KALRN: variants seen among roughly 807,000 people sequenced by gnomAD.
KALRN encodes kalirin RhoGEF kinase, also known as kalirin.
Under a neutral mutation model 353.7 loss-of-function variants are expected in KALRN, and 70 were observed. The ratio of observed to expected loss-of-function variants is 0.20; its 90% CI spans 0.16 to 0.24. The LOEUF is 0.24. Among genes scored for constraint, KALRN ranks in the 10% least tolerant of loss-of-function variants. KALRN has a pLI of 1.00. For missense variants in KALRN, 2,791 were observed against 3,756.7 expected (o/e 0.74, Z 6.72); for synonymous variants, 1,391 against 1,434.8 (o/e 0.97, Z 0.69).
intron 3 of KALRN, among the ~76,000 whole-genome samples, chr3:124,237,070 C>T (rs2332765): frequency 0.092 from 14,057 of 152,200 alleles, 1,799 homozygotes; most frequent in East Asian, 0.64. Flanking sequence ...ACATGTCACA[C>T]ATAATGGCTG....
In KALRN at chr3:124,074,815, G is replaced by A. The variant is rs1310260273; in HGVS notation, c.73+41002G>A. Among the ~76,000 whole-genome samples, 65 of 152,138 alleles carry A rather than the reference G, an allele frequency of 4.3e-4. 1 individual carries two copies. The highest frequency in any genetic ancestry group is 4.2e-3 in the Admixed American group (64 of 15,270). The stretch of plus-strand genomic sequence containing the variant: ...TAAACTTTCTTTAATTTGGAGACAT[G>A]TCAGTATATTTTTTCATTTTGTTTC... On this transcript the variant is annotated intron_variant, in intron 1 of 59. Transcript: ENST00000682506.
intron 33 of KALRN, among the ~76,000 whole-genome samples, chr3:124,514,474 C>G (rs1431435783): frequency 1.3e-5 from 2 of 152,200 alleles, no homozygotes; most frequent in African/African-American, 4.8e-5. Context: ...AGAGGTTAAG[C>G]AACTAACAGT....
chr3:124,242,275 T>C (rs1249877846), intron 3 of KALRN, among the ~76,000 whole-genome samples: 2 of 152,208 alleles, frequency 1.3e-5, no homozygotes, highest in Admixed American at 6.5e-5. Flanking sequence ...TATAAGTATT[T>C]TACATGCATT....
In KALRN at chr3:124,490,885, G is replaced by T; in HGVS notation, c.4587+1G>T. On this transcript the variant is annotated splice_donor_variant, in intron 30 of 59. Coordinates refer to ENST00000682506, the MANE Select transcript of KALRN (RefSeq NM_001388419.1). LOFTEE classifies it high-confidence loss of function. Reference sequence around the variant, plus strand: ...ATATGTTTACAAGAACAAGCTACTGGTAGGTGGGGCAGGTGGGGTAAGACA... The same window carrying T: ...ATATGTTTACAAGAACAAGCTACTGTTAGGTGGGGCAGGTGGGGTAAGACA... The T allele has an allele frequency of 6.2e-7, 1 of 1,607,298 alleles. No homozygotes were observed. Among genetic ancestry groups the T allele is most frequent in the Non-Finnish European group, 8.5e-7 (1 of 1,176,824 alleles).
intron 33 of KALRN, among the ~76,000 whole-genome samples, chr3:124,506,446 A>G (rs1485664464): frequency 5.3e-5 from 8 of 152,242 alleles, no homozygotes; most frequent in African/African-American, 1.9e-4. Context: ...TTACATGTTC[A>G]GAATGTTCAG....
chr3:124,697,554 T>C (rs1350602500), intron 54 of KALRN, 39 bp from the exon 55 acceptor site: 2 of 1,540,778 alleles, frequency 1.3e-6, no homozygotes. Flanking sequence ...TGCCAAGTTC[T>C]GCAGAAATAG....
At chr3:124,536,153 G>A (rs332418) in intron 33 of KALRN, among the ~76,000 whole-genome samples, 148,547 of 150,852 alleles carry the variant, frequency 0.98, 73,135 homozygotes, top group Middle Eastern at 1. Flanking sequence ...GTAAGGGCAC[G>A]ATGGACTCTG....
At chr3:124,338,827 G>A (rs543421925) in intron 9 of KALRN, among the ~76,000 whole-genome samples, 2 of 152,160 alleles carry the variant, frequency 1.3e-5, no homozygotes, top group Admixed American at 6.5e-5. Flanking sequence ...TGTATTGGAT[G>A]CAAGGAAACC....
chr3:124,274,235 C>A (rs2074461018), intron 5 of KALRN, among the ~76,000 whole-genome samples: 2 of 152,210 alleles, frequency 1.3e-5, no homozygotes, highest in Admixed American at 1.3e-4. Flanking sequence ...CGTAGAAATC[C>A]CAGCCTTGCC....
At chr3:124,408,203 T>G (rs1335544510) in intron 13 of KALRN, among the ~76,000 whole-genome samples, 1 of 152,146 alleles carries the variant, frequency 6.6e-6, no homozygotes, top group Non-Finnish European at 1.5e-5. Context: ...AAAAATATGA[T>G]TAATTTAAAA....
At chr3:124,659,249 AT>A (rs2084505256) in intron 42 of KALRN, 115 bp from the exon 43 acceptor site, 2 of 754,840 alleles carry the variant, frequency 2.6e-6, no homozygotes, top group Non-Finnish European at 4.7e-6. Flanking sequence ...TTACTTAAAG[AT>A]TCTTCAACTT....
At chr3:124,295,197 T>G (rs2149182053) in intron 5 of KALRN, among the ~76,000 whole-genome samples, 1 of 152,318 alleles carries the variant, frequency 6.6e-6, no homozygotes, top group South Asian at 2.1e-4. Context: ...TTAGGAAACC[T>G]TGGTTCCTGA....
At chr3:124,514,394 C>T (rs1459985923) in intron 33 of KALRN, among the ~76,000 whole-genome samples, 8 of 152,120 alleles carry the variant, frequency 5.3e-5, no homozygotes, top group Admixed American at 3.9e-4. Flanking sequence ...ACAGGCCTTT[C>T]CCTAAGAAGT....
chr3:124,140,776 G>A (rs1313682917), intron 1 of KALRN, among the ~76,000 whole-genome samples: 1 of 152,066 alleles, frequency 6.6e-6, no homozygotes, highest in Non-Finnish European at 1.5e-5. Context: ...AACTCCCAAA[G>A]CAGCAGCCTT....
In KALRN at chr3:124,491,454, T is replaced by C. The variant is rs368103326; in HGVS notation, c.4689+30T>C. Reference sequence around the variant, plus strand: ...GTACTGCTCTCTGCTAGGCACAAACTAGGGTTGGGGATAATAGAAGTGGGG... The same window carrying C: ...GTACTGCTCTCTGCTAGGCACAAACCAGGGTTGGGGATAATAGAAGTGGGG... On this transcript the variant is annotated intron_variant, in intron 31 of 59. Coordinates refer to ENST00000682506, the MANE Select transcript of KALRN (RefSeq NM_001388419.1). 1.2e-4 allele frequency: 174 copies of C among 1,503,000 alleles called. 1 individual carries two copies. The highest frequency in any genetic ancestry group is 7.0e-4 in the Middle Eastern group (4 of 5,734). The allele number at this position is 1,503,000 out of a possible 1,614,324, so 93.1% of individuals were successfully genotyped here. A position where few individuals can be genotyped will look rare whatever the true frequency, so the allele number is the denominator to read the frequency against.
intron 34 of KALRN, among the ~76,000 whole-genome samples, chr3:124,591,637 A>G (rs753990563): frequency 1.9e-4 from 29 of 152,210 alleles, no homozygotes; most frequent in Non-Finnish European, 3.7e-4. Flanking sequence ...GGTTAAGACA[A>G]TGTAAGTAAA....
At chr3:124,668,091 CACAA>C (rs2085892330) in intron 47 of KALRN, among the ~76,000 whole-genome samples, 3 of 136,332 alleles carry the variant, frequency 2.2e-5, no homozygotes, top group South Asian at 2.3e-4. Context: ...CACACACACA[CACAA>C]CCACCTTTGG....
intron 9 of KALRN, among the ~76,000 whole-genome samples, chr3:124,341,283 C>G (rs1429178446): frequency 6.6e-6 from 1 of 152,220 alleles, no homozygotes; most frequent in African/African-American, 2.4e-5. Context: ...GGCAAGGAGC[C>G]TGGGCTCACC....
At chr3:124,462,000 A>G in intron 24 of KALRN, 44 bp downstream of exon 24, 2 of 1,431,700 alleles carry the variant, frequency 1.4e-6, no homozygotes, top group Non-Finnish European at 2.0e-6. Context: ...TGGAAAAATG[A>G]CATCCTTGCC....
Sources: gnomAD v4.1 joint callset for allele counts (sites outside exome capture counted in the v4.1 genomes callset) on GRCh38, gnomAD v4.1.1 for gene constraint, MANE v1.5 for transcripts, NCBI Gene and HGNC (gene_info 2026-07-23, HGNC 2026-07-21) for gene names.